DENND4C: variants seen among roughly 807,000 people sequenced by gnomAD.
The protein encoded by DENND4C is DENN domain containing 4C.
In DENND4C, 108 loss-of-function variants were observed where a neutral mutation model predicts 203.0. The observed-to-expected ratio is 0.53, with a 90% CI of 0.46 to 0.62. DENND4C has a LOEUF of 0.62. Among genes scored for constraint, DENND4C ranks in the 20% least tolerant of loss-of-function variants. The probability of loss-of-function intolerance (pLI) is 0.00; values close to 1 mark genes in which losing one functional copy is unlikely to be tolerated. For synonymous variants in DENND4C, 871 were observed against 792.4 expected (o/e 1.10, Z -1.67); for missense variants, 2,481 against 2,301.2 (o/e 1.08, Z -1.60).
In DENND4C at chr9:19,316,920, T is replaced by C. The variant is rs539579017; in HGVS notation, c.1807+81T>C. The C allele has an allele frequency of 3.6e-5, 44 of 1,206,388 alleles. No homozygotes were observed. The South Asian group carries it at 5.1e-4, about 14-fold the overall frequency. 74.7% of individuals were successfully genotyped at this position (1,206,388 alleles called of 1,614,324 possible). A position where few individuals can be genotyped will look rare whatever the true frequency, so the allele number is the denominator to read the frequency against. ...TGATGTTGCTGCCAAGAAATACTTA[T>C]TGTATAAATTATTACAAATTCACAT... On this transcript the variant is annotated intron_variant, in intron 12 of 32. Coordinates refer to ENST00000434457, the MANE Select transcript of DENND4C (RefSeq NM_001330640.2).
At chr9:19,243,948 C>A (rs1006653028) in intron 1 of DENND4C, among the ~76,000 whole-genome samples, 1 of 151,886 alleles carries the variant, frequency 6.6e-6, no homozygotes, top group African/African-American at 2.4e-5. Flanking sequence ...GTAGCTGGGA[C>A]TGTGGGTTTG....
chr9:19,318,062 T>G (rs1401953480), intron 12 of DENND4C, among the ~76,000 whole-genome samples: 1 of 152,256 alleles, frequency 6.6e-6, no homozygotes. Context: ...CTCACGCCTG[T>G]AATCCCAACA....
chr9:19,277,394 T>C (rs1221381929), intron 2 of DENND4C, among the ~76,000 whole-genome samples: 1 of 152,172 alleles, frequency 6.6e-6, no homozygotes, highest in East Asian at 1.9e-4. Flanking sequence ...TTAAATCTGA[T>C]TAATTTTATT....
chr9:19,326,564 ATTTATTC>A (rs1180153170), intron 15 of DENND4C, among the ~76,000 whole-genome samples: 1 of 152,136 alleles, frequency 6.6e-6, no homozygotes, highest in African/African-American at 2.4e-5. Context: ...AGGGCCAGGA[ATTTATTC>A]TTTATTAAGA....
In DENND4C at chr9:19,250,313, G is replaced by A. The variant is rs140549131; in HGVS notation, c.-18+19480G>A. Among the ~76,000 whole-genome samples the A allele has an allele frequency of 2.1e-3, 322 of 152,184 alleles. 1 individual carries two copies. Among genetic ancestry groups the A allele is most frequent in the African/African-American group, 7.5e-3 (311 of 41,516 alleles). On this transcript the variant is annotated intron_variant, in intron 1 of 32. Coordinates refer to ENST00000434457, the MANE Select transcript of DENND4C (RefSeq NM_001330640.2). ...ACAAAAATTAGCTGGGCATAGTGGC[G>A]TGCACCTGTAATCCCAGCTACATGG...
intron 1 of DENND4C, among the ~76,000 whole-genome samples, chr9:19,265,187 T>C (rs57657862): frequency 0.069 from 10,521 of 151,984 alleles, 703 homozygotes; most frequent in African/African-American, 0.17. Flanking sequence ...GCTAAGTTAC[T>C]GTATTTTTTT....
Position 19,372,155 on chromosome 9 carries a change from T to C in DENND4C, c.5859T>C (p.Phe1953=). ...SASVEWCRKC[F]GAPLI ...GTGTCGAGTGGTGCAGGAAGTGTTTTGGAGCGCCTCTCATTTAAATAGAGA... is the reference window on the plus strand; with the variant it reads ...GTGTCGAGTGGTGCAGGAAGTGTTTCGGAGCGCCTCTCATTTAAATAGAGA... The change falls in exon 33 of 33, where the codon TTT becomes TTC. Residue 1953 remains phenylalanine (F), a synonymous_variant. Coordinates refer to ENST00000434457, the MANE Select transcript of DENND4C (RefSeq NM_001330640.2). 6.2e-7 allele frequency: 1 copy of C among 1,612,540 alleles called. No homozygotes were observed. Among genetic ancestry groups the C allele is most frequent in the East Asian group, 2.2e-5 (1 of 44,862 alleles).
At chr9:19,254,622 G>A (rs1827475944) in intron 1 of DENND4C, among the ~76,000 whole-genome samples, 1 of 152,146 alleles carries the variant, frequency 6.6e-6, no homozygotes, top group South Asian at 2.1e-4. Context: ...GTAATGTACA[G>A]CATGGTTACT....
intron 4 of DENND4C, among the ~76,000 whole-genome samples, chr9:19,289,071 CAT>C (rs1346356880): frequency 6.6e-6 from 1 of 152,188 alleles, no homozygotes; most frequent in Non-Finnish European, 1.5e-5. Context: ...TTTGAAACCA[CAT>C]GTTACTTGCC....
At position 19,335,050 on chromosome 9, in the gene DENND4C, A is replaced by G; in HGVS notation, c.2534A>G (p.Glu845Gly). The change falls in exon 18 of 33, where the codon GAA becomes GGA. Residue 845 changes from glutamate (E) to glycine (G), a missense_variant. Coordinates refer to ENST00000434457, the MANE Select transcript of DENND4C (RefSeq NM_001330640.2). ...HPVLAVRVLF[E>G]MKTARIKPNA... ...GTTTTAGCAGTGAGAGTCTTATTTGAAATGAAAACTGCTAGGATAAAGCCT... is the reference window on the plus strand; with the variant it reads ...GTTTTAGCAGTGAGAGTCTTATTTGGAATGAAAACTGCTAGGATAAAGCCT... The G allele has an allele frequency of 6.2e-7, 1 of 1,612,988 alleles. No individual in the cohort carries two copies. Among genetic ancestry groups the G allele is most frequent in the Non-Finnish European group, 8.5e-7 (1 of 1,179,446 alleles).
rs138219137 is a variant in DENND4C at position 19,234,887 on chromosome 9, C to T, written c.-18+4054C>T. On this transcript the variant is annotated intron_variant, in intron 1 of 32. Transcript: ENST00000434457. ...ATAATGCTATAATGAAATTATTTTG[C>T]TAATATGATGGTCCATGGGTCTATG... 5.4e-3 allele frequency among the ~76,000 whole-genome samples: 822 copies of T among 151,194 alleles called. 7 individuals are homozygous for T. Among genetic ancestry groups the T allele is most frequent in the Non-Finnish European group, 9.5e-3 (646 of 67,866 alleles).
At chr9:19,337,745 A>C (rs946112947) in intron 20 of DENND4C, 2 of 957,860 alleles carry the variant, frequency 2.1e-6, no homozygotes, top group African/African-American at 3.4e-5. Context: ...TTGTATTTTA[A>C]GTTTGTTTTG....
At chr9:19,352,279 G>C in intron 25 of DENND4C, 97 bp downstream of exon 25, 1 of 1,196,344 alleles carries the variant, frequency 8.4e-7, no homozygotes, top group East Asian at 2.5e-5. Context: ...CTTGTGGACA[G>C]TATAATAAAA....
At chr9:19,326,299 T>C (rs1588925033) in intron 15 of DENND4C, 105 bp downstream of exon 15, 1 of 1,239,092 alleles carries the variant, frequency 8.1e-7, no homozygotes, top group East Asian at 2.6e-5. Context: ...ATTTTCAGTA[T>C]TAGTTCAGTG....
In DENND4C at chr9:19,330,642, G is replaced by C. The variant is rs7847438; in HGVS notation, c.2254-1336G>C. Among the ~76,000 whole-genome samples, 1,389 of 151,362 alleles carry C rather than the reference G, an allele frequency of 9.2e-3. 25 individuals carry two copies. The highest frequency in any genetic ancestry group is 0.035 in the Admixed American group (538 of 15,162). ...CATGAGCTACCATGCCCAGCCCCAA[G>C]ATTTTTTTATTTAGAACATAGACTA... On this transcript the variant is annotated intron_variant, in intron 16 of 32. Coordinates refer to ENST00000434457, the MANE Select transcript of DENND4C (RefSeq NM_001330640.2).
intron 1 of DENND4C, among the ~76,000 whole-genome samples, chr9:19,251,433 C>T (rs1376112450): frequency 3.3e-5 from 5 of 152,208 alleles, no homozygotes; most frequent in Non-Finnish European, 7.3e-5. Flanking sequence ...GCTGTGAAGA[C>T]CTCTGACATA....
At chr9:19,315,958 T>G (rs935682438) in intron 10 of DENND4C, among the ~76,000 whole-genome samples, 7 of 152,100 alleles carry the variant, frequency 4.6e-5, no homozygotes, top group African/African-American at 1.7e-4. Context: ...GATCATAGAT[T>G]ATATTGAATA....
At chr9:19,306,582 T>A (rs2131390074) in intron 10 of DENND4C, among the ~76,000 whole-genome samples, 1 of 152,170 alleles carries the variant, frequency 6.6e-6, no homozygotes, top group African/African-American at 2.4e-5. Flanking sequence ...TTAGAAATGA[T>A]TATTTGTGAA....
intron 22 of DENND4C, 87 bp from the exon 23 acceptor site, chr9:19,345,834 C>G (rs1822768721): frequency 3.3e-6 from 4 of 1,207,102 alleles, no homozygotes; most frequent in Admixed American, 2.4e-5. Flanking sequence ...GTATATGTCA[C>G]ATTCATAATC....
Sources: gnomAD v4.1 joint callset for allele counts (sites outside exome capture counted in the v4.1 genomes callset) on GRCh38, gnomAD v4.1.1 for gene constraint, MANE v1.5 for transcripts, NCBI Gene and HGNC (gene_info 2026-07-23, HGNC 2026-07-21) for gene names.